Variants in AGBL2 observed in about 807,000 individuals in gnomAD.
AGBL2 encodes cytosolic carboxypeptidase 2.
Under a neutral mutation model 103.0 loss-of-function variants are expected in AGBL2, and 87 were observed. The observed-to-expected ratio is 0.84, with a 90% CI of 0.71 to 1.01. The LOEUF (loss-of-function observed/expected upper bound fraction) is 1.01. Ranked by LOEUF, AGBL2 falls within the 50% of genes least tolerant of loss-of-function variation. AGBL2 has a pLI of 0.00. For synonymous variants in AGBL2, 335 were observed against 356.7 expected (o/e 0.94, Z 0.69); for missense variants, 904 against 1,023.5 (o/e 0.88, Z 1.59).
intron 18 of AGBL2, among the ~76,000 whole-genome samples, chr11:47,661,611 T>C (rs59039151): frequency 0.021 from 3,256 of 152,192 alleles, 132 homozygotes; most frequent in African/African-American, 0.075. Context: ...ACTCCATCCA[T>C]TGGGAGAACC....
At chr11:47,704,799 C>T (rs1475446143) in intron 6 of AGBL2, 71 bp from the exon 7 acceptor site, 11 of 1,200,924 alleles carry the variant, frequency 9.2e-6, no homozygotes, top group Non-Finnish European at 1.2e-5. Context: ...TCATCTATAA[C>T]AATGAAACTA....
intron 2 of AGBL2, 105 bp downstream of exon 2, chr11:47,714,513 G>A: frequency 2.2e-6 from 3 of 1,387,418 alleles, no homozygotes; most frequent in Non-Finnish European, 3.1e-6. Context: ...GAGAAAAGAT[G>A]CCACCAGAAC....
chr11:47,705,703 G>T, intron 5 of AGBL2, 69 bp from the exon 6 acceptor site: 1 of 643,766 alleles, frequency 1.6e-6, no homozygotes, highest in South Asian at 2.0e-5. Context: ...GAAAAAAATG[G>T]AAATGAAAGG....
rs767039347 is a variant in AGBL2 at position 47,663,080 on chromosome 11, G to C, written c.2481C>G (p.Pro827=). 19 of 1,597,334 alleles carry C rather than the reference G, an allele frequency of 1.2e-5. No homozygotes were observed. In the Admixed American group the frequency reaches 1.5e-4, roughly 13 times the overall value. ...TNLNRRDKDT[P]LDPSMATLIL... is the part of the protein sequence containing the mutation. Reference sequence around the variant, plus strand: ...TCAGGGTGGCCATTGATGGGTCCAGGGGGGTGTCTTTGTCTCTTCTATTTA... The same window carrying C: ...TCAGGGTGGCCATTGATGGGTCCAGCGGGGTGTCTTTGTCTCTTCTATTTA... The change falls in exon 18 of 19, where the codon CCC becomes CCG. Residue 827 remains proline, a synonymous_variant. Transcript: ENST00000525123.
chr11:47,699,606 T>A, intron 7 of AGBL2, 53 bp from the exon 8 acceptor site: 2 of 965,188 alleles, frequency 2.1e-6, no homozygotes, highest in Non-Finnish European at 3.1e-6. Flanking sequence ...TAAACGGCAC[T>A]ATCAGAACTA....
chr11:47,664,804 C>T (rs1433715712), intron 17 of AGBL2, among the ~76,000 whole-genome samples: 1 of 151,710 alleles, frequency 6.6e-6, no homozygotes, highest in Non-Finnish European at 1.5e-5. Flanking sequence ...GTGATCCTCC[C>T]ACCTTTGCCT....
At chr11:47,714,100 T>C in intron 3 of AGBL2, 184 bp downstream of exon 3, 3 of 584,928 alleles carry the variant, frequency 5.1e-6, no homozygotes, top group Non-Finnish European at 9.2e-6. Flanking sequence ...TGCTGTCTAC[T>C]TGACAGAGGT....
Position 47,686,057 on chromosome 11 carries a change from G to A in AGBL2, c.1632-8C>T, listed in dbSNP as rs1226438218. The A allele has an allele frequency of 6.2e-7, 1 of 1,613,150 alleles. No homozygotes were observed. Among genetic ancestry groups the A allele is most frequent in the Non-Finnish European group, 8.5e-7 (1 of 1,179,760 alleles). On this transcript the variant is annotated splice_region_variant and splice_polypyrimidine_tract_variant and intron_variant, in intron 10 of 18. Transcript: ENST00000525123. ...TCTCTTTCTTCAAGAAGTCTATTGA[G>A]GGGGCAAACAAAGGACTCAGTGGAC...
At position 47,663,007 on chromosome 11, in the gene AGBL2, A is replaced by T; in HGVS notation, c.2535+19T>A. 1 of 1,556,302 alleles carries T rather than the reference A, an allele frequency of 6.4e-7. No individual in the cohort carries two copies. Among genetic ancestry groups the T allele is most frequent in the East Asian group, 2.2e-5 (1 of 44,520 alleles). The stretch of plus-strand genomic sequence containing the variant: ...TAATCACTGGCATATAAGTATATAC[A>T]GTATATTAGGTGAAGTACCTGCATT... On this transcript the variant is annotated intron_variant, in intron 18 of 18. Transcript: ENST00000525123.
At chr11:47,688,119 T>C (rs2097431428) in intron 10 of AGBL2, among the ~76,000 whole-genome samples, 3 of 152,052 alleles carry the variant, frequency 2.0e-5, no homozygotes. Flanking sequence ...GATATTTCTT[T>C]ATAGCAATGC....
Position 47,666,989 on chromosome 11 carries a change from T to TAA in AGBL2, c.2413_2414dup (p.Leu805PhefsTer4). On this transcript the variant is annotated frameshift_variant, in exon 17 of 19. Transcript: ENST00000525123. LOFTEE classifies it high-confidence loss of function. Reference sequence around the variant, plus strand: ...ACCTTGGGTTTTCATTTTTCATTGGTAAAAAACTGGAATTCTCTGAGTTTT... The same window carrying TAA: ...ACCTTGGGTTTTCATTTTTCATTGGTAAAAAAAACTGGAATTCTCTGAGTTTT... 1 of 1,613,606 alleles carries TAA rather than the reference T, an allele frequency of 6.2e-7. No individual in the cohort carries two copies. Among genetic ancestry groups the TAA allele is most frequent in the Non-Finnish European group, 8.5e-7 (1 of 1,179,822 alleles).
rs372291326 is a variant in AGBL2 at position 47,660,173 on chromosome 11, C to T, written c.2709G>A (p.Ter903=). The change falls in exon 19 of 19, where the codon TAG becomes TAA. Residue 903 remains the stop codon, a stop_retained_variant. Coordinates refer to ENST00000525123, the MANE Select transcript of AGBL2 (RefSeq NM_024783.4). ...CTTGTGTGGCACAGCCCAGGCTCAC[C>T]TACGGGTATGTGTATATGTGCAAGG... ...YPSLHIYTYP[*] is the part of the protein sequence containing the mutation. 50 of 1,609,122 alleles carry T rather than the reference C, an allele frequency of 3.1e-5. No homozygotes were observed. The African/African-American group carries it at 5.9e-4, about 19-fold the overall frequency.
rs1408530314 is a variant in AGBL2 at position 47,662,231 on chromosome 11, T to TGC, written c.2535+794_2535+795insGC. Among the ~76,000 whole-genome samples the TGC allele has an allele frequency of 1.3e-4, 20 of 152,164 alleles. No individual in the cohort carries two copies. In the South Asian group the frequency reaches 2.1e-3, roughly 16 times the overall value. ...CTCTGTCACCCAGGCTGGAGTGCCG[T>TGC]GGTGCAATCTTGGTTCACTGCAAAC... On this transcript the variant is annotated intron_variant, in intron 18 of 18. Coordinates refer to ENST00000525123, the MANE Select transcript of AGBL2 (RefSeq NM_024783.4).
chr11:47,698,326 C>G (rs1221650237), intron 8 of AGBL2, among the ~76,000 whole-genome samples: 1 of 151,992 alleles, frequency 6.6e-6, no homozygotes, highest in Non-Finnish European at 1.5e-5. Context: ...GCATGCACTA[C>G]CACACCTGGC....
At chr11:47,707,419 C>T (rs1218570422) in intron 4 of AGBL2, among the ~76,000 whole-genome samples, 1 of 152,108 alleles carries the variant, frequency 6.6e-6, no homozygotes, top group Admixed American at 6.6e-5. Flanking sequence ...TGGCAGAAGG[C>T]AAGGAGGAGC....
At chr11:47,675,344 A>ACT (rs955146240) in intron 14 of AGBL2, among the ~76,000 whole-genome samples, 3 of 143,294 alleles carry the variant, frequency 2.1e-5, no homozygotes, top group African/African-American at 5.2e-5. Context: ...AGTAGCTAGG[A>ACT]CTACAGGTGC....
At chr11:47,699,309 C>T in intron 8 of AGBL2, 137 bp downstream of exon 8, 1 of 482,798 alleles carries the variant, frequency 2.1e-6, no homozygotes. Context: ...ACTCCTCCTC[C>T]AGGCTCCCAC....
chr11:47,697,598 T>A (rs1309707154), intron 8 of AGBL2, among the ~76,000 whole-genome samples: 12 of 129,356 alleles, frequency 9.3e-5, no homozygotes, highest in Non-Finnish European at 9.3e-5. Flanking sequence ...CAGGCTAGAG[T>A]GCAGTGGCGC....
At position 47,704,710 on chromosome 11, in the gene AGBL2, A is replaced by G; in HGVS notation, c.419T>C (p.Leu140Ser). 6.2e-7 allele frequency: 1 copy of G among 1,614,066 alleles called. No individual in the cohort carries two copies. The highest frequency in any genetic ancestry group is 8.5e-7 in the Non-Finnish European group (1 of 1,180,018). The change falls in exon 7 of 19, where the codon TTA becomes TCA. Residue 140 changes from leucine (L) to serine (S), a missense_variant. By Grantham distance (145) the Leu-to-Ser change is moderately radical (BLOSUM62 -2). Transcript: ENST00000525123. ...AGITDSHMLS[L>S]PHLRSRQLLY... ...AAGCTGTCTGCTCCTAAGATGTGGTAAACTCAGCATATGTGAATCTGCCAA... is the reference window on the plus strand; with the variant it reads ...AAGCTGTCTGCTCCTAAGATGTGGTGAACTCAGCATATGTGAATCTGCCAA...
Sources: allele counts gnomAD v4.1 joint callset (sites outside exome capture counted in the v4.1 genomes callset), GRCh38; gene constraint gnomAD v4.1.1; transcripts MANE v1.5; gene names NCBI Gene and HGNC (gene_info 2026-07-23, HGNC 2026-07-21).